TLN2: variants seen among roughly 807,000 people sequenced by gnomAD.
TLN2 encodes the protein talin-2.
A neutral mutation model predicts 294.7 loss-of-function variants in TLN2; 118 were observed. The ratio of observed to expected loss-of-function variants is 0.40; its 90% CI spans 0.34 to 0.47. The LOEUF (loss-of-function observed/expected upper bound fraction) is 0.47. TLN2 is among the 20% of genes least tolerant of loss of function. The pLI is 0.84. For missense variants in TLN2, 3,083 were observed against 3,282.2 expected, an observed-to-expected ratio of 0.94 and a Z score of 1.48; for synonymous variants, 1,431 against 1,304.5, an observed-to-expected ratio of 1.10 and a Z score of -2.09.
At chr15:62,629,470 G>A (rs192343186) in intron 3 of TLN2, among the ~76,000 whole-genome samples, 96 of 152,272 alleles carry the variant, frequency 6.3e-4, no homozygotes, top group Non-Finnish European at 1.3e-3. Context: ...AGGTGTCTTG[G>A]TGTTACCTAC....
intron 1 of TLN2, among the ~76,000 whole-genome samples, chr15:62,457,012 C>G (rs546629643): frequency 3.9e-5 from 6 of 152,340 alleles, no homozygotes; most frequent in African/African-American, 1.4e-4. Context: ...GCTTGACACA[C>G]TGTTTAGTTT....
chr15:62,485,351 G>A (rs1307638228), intron 1 of TLN2, among the ~76,000 whole-genome samples: 1 of 152,216 alleles, frequency 6.6e-6, no homozygotes, highest in Non-Finnish European at 1.5e-5. Flanking sequence ...ATAAGTGGCC[G>A]AAGCAGGTCC....
chr15:62,493,306 A>G (rs1423948079), intron 1 of TLN2, among the ~76,000 whole-genome samples: 1 of 152,138 alleles, frequency 6.6e-6, no homozygotes, highest in Non-Finnish European at 1.5e-5. Flanking sequence ...GGCACTGACT[A>G]CAGGCCAGCT....
At chr15:62,421,508 G>A (rs72753831) in intron 1 of TLN2, among the ~76,000 whole-genome samples, 18,789 of 152,130 alleles carry the variant, frequency 0.12, 1,204 homozygotes, top group Admixed American at 0.14. Flanking sequence ...AAAAGAATGA[G>A]ATCATGTCCT....
intron 1 of TLN2, among the ~76,000 whole-genome samples, chr15:62,573,624 G>A (rs761648224): frequency 4.6e-5 from 7 of 152,186 alleles, no homozygotes; most frequent in Middle Eastern, 3.4e-3. Context: ...CAGCCTGGGG[G>A]TGGAAGAACC....
intron 1 of TLN2, among the ~76,000 whole-genome samples, chr15:62,430,666 A>G (rs1240397940): frequency 6.6e-6 from 1 of 152,148 alleles, no homozygotes; most frequent in African/African-American, 2.4e-5. Flanking sequence ...ATAAATATTT[A>G]TTGAGCATTT....
chr15:62,417,526 T>C (rs1175210316), intron 1 of TLN2, among the ~76,000 whole-genome samples: 2 of 152,250 alleles, frequency 1.3e-5, no homozygotes, highest in African/African-American at 2.4e-5. Context: ...TTTCAGATAC[T>C]GCTTCAGTTA....
intron 23 of TLN2, 66 bp from the exon 24 acceptor site, chr15:62,717,510 G>T: frequency 8.9e-7 from 1 of 1,123,586 alleles, no homozygotes; most frequent in Non-Finnish European, 1.2e-6. Context: ...TGTGGTGGAA[G>T]TGACCTGTAG....
intron 1 of TLN2, among the ~76,000 whole-genome samples, chr15:62,432,206 ACT>A (rs2140291177): frequency 6.6e-6 from 1 of 152,240 alleles, no homozygotes; most frequent in African/African-American, 2.4e-5. Flanking sequence ...GAAAAGAAAC[ACT>A]CTGGGAAAGT....
chr15:62,425,536 G>A (rs1286505686), intron 1 of TLN2, among the ~76,000 whole-genome samples: 1 of 152,184 alleles, frequency 6.6e-6, no homozygotes, highest in Non-Finnish European at 1.5e-5. Flanking sequence ...ATAGAGGAGG[G>A]TTAGATGTTA....
intron 27 of TLN2, among the ~76,000 whole-genome samples, 177 bp downstream of exon 27, chr15:62,725,281 G>T (rs781221948): frequency 6.6e-6 from 1 of 152,160 alleles, no homozygotes; most frequent in Non-Finnish European, 1.5e-5. Flanking sequence ...AGTTATGAGC[G>T]CTGGATTCTA....
intron 1 of TLN2, among the ~76,000 whole-genome samples, chr15:62,517,226 C>G (rs541600609): frequency 5.3e-5 from 8 of 152,176 alleles, no homozygotes; most frequent in Non-Finnish European, 1.0e-4. Flanking sequence ...ATCCTTTAGC[C>G]TCTTTGTCCA....
chr15:62,441,986 T>A (rs2035569129), intron 1 of TLN2, among the ~76,000 whole-genome samples: 1 of 152,044 alleles, frequency 6.6e-6, no homozygotes, highest in Non-Finnish European at 1.5e-5. Flanking sequence ...ATGTTGTTAA[T>A]AATAAAAGGG....
intron 45 of TLN2, among the ~76,000 whole-genome samples, chr15:62,788,648 C>T (rs2064867729): frequency 6.6e-6 from 1 of 152,168 alleles, no homozygotes; most frequent in South Asian, 2.1e-4. Context: ...GTATGCGAGC[C>T]ACTTTAAATA....
At chr15:62,454,006 A>G (rs1416262979) in intron 1 of TLN2, among the ~76,000 whole-genome samples, 2 of 152,066 alleles carry the variant, frequency 1.3e-5, no homozygotes. Flanking sequence ...ACCCCTGGCC[A>G]CCTGTGCGGG....
intron 1 of TLN2, among the ~76,000 whole-genome samples, chr15:62,450,581 G>A (rs561649778): frequency 6.6e-6 from 1 of 150,676 alleles, no homozygotes; most frequent in Admixed American, 6.6e-5. Context: ...GTGTCTGTGT[G>A]TGTGTGTGTT....
At chr15:62,798,868 T>C (rs951181213) in intron 48 of TLN2, among the ~76,000 whole-genome samples, 2 of 152,218 alleles carry the variant, frequency 1.3e-5, no homozygotes, top group African/African-American at 2.4e-5. Context: ...AGAGTCCAGA[T>C]TGGCTGCCTT....
intron 1 of TLN2, among the ~76,000 whole-genome samples, chr15:62,459,286 CACCACGCTCGGCCTT>C (rs2036658187): frequency 6.9e-6 from 1 of 145,242 alleles, no homozygotes. Flanking sequence ...AGGTGTGAGC[CACCACGCTCGGCCTT>C]TTTTTTTTTT....
intron 13 of TLN2, among the ~76,000 whole-genome samples, chr15:62,693,745 T>C (rs1423108505): frequency 6.6e-6 from 1 of 152,174 alleles, no homozygotes; most frequent in East Asian, 1.9e-4. Flanking sequence ...GATTTTTTAC[T>C]ATGTAAAATT....
Sources: allele counts gnomAD v4.1 joint callset (sites outside exome capture counted in the v4.1 genomes callset), GRCh38; gene constraint gnomAD v4.1.1; transcripts MANE v1.5; gene names NCBI Gene and HGNC (gene_info 2026-07-23, HGNC 2026-07-21).